FRMD3: variants seen among roughly 807,000 people sequenced by gnomAD.
FRMD3 encodes the protein FERM domain containing 3.
FRMD3 carries 33 observed loss-of-function variants against 70.2 expected under a neutral mutation model. The ratio of observed to expected loss-of-function variants is 0.47; its 90% CI spans 0.36 to 0.63. The LOEUF is 0.63. FRMD3 is among the 20% of genes least tolerant of loss of function. The pLI is 0.00. For missense variants in FRMD3, 632 were observed against 711.4 expected (o/e 0.89, Z 1.27); for synonymous variants, 279 against 255.9 (o/e 1.09, Z -0.86).
intron 13 of FRMD3, among the ~76,000 whole-genome samples, chr9:83,284,009 T>C (rs1330283759): frequency 2.6e-5 from 4 of 151,396 alleles, no homozygotes; most frequent in African/African-American, 9.7e-5. Flanking sequence ...AGGGAAGAAA[T>C]TGCTAATGCA....
At chr9:83,531,927 G>C (rs1829799210) in intron 1 of FRMD3, among the ~76,000 whole-genome samples, 1 of 152,112 alleles carries the variant, frequency 6.6e-6, no homozygotes, top group African/African-American at 2.4e-5. Context: ...ACTGGCTTAA[G>C]GTCTTGCACC....
chr9:83,511,985 T>C (rs1829348930), intron 1 of FRMD3, among the ~76,000 whole-genome samples: 1 of 152,162 alleles, frequency 6.6e-6, no homozygotes. Flanking sequence ...ATGTTAAACT[T>C]CAAGATCTTG....
chr9:83,443,003 A>G (rs1827348347), intron 1 of FRMD3, among the ~76,000 whole-genome samples: 1 of 152,250 alleles, frequency 6.6e-6, no homozygotes. Context: ...ACATAAAAAT[A>G]CATATGGCCT....
At chr9:83,255,456 C>A (rs1832660025) in intron 13 of FRMD3, among the ~76,000 whole-genome samples, 1 of 151,856 alleles carries the variant, frequency 6.6e-6, no homozygotes, top group East Asian at 1.9e-4. Flanking sequence ...AAGCATTCCC[C>A]CTGAAAACCA....
chr9:83,499,370 G>T (rs1012548675), intron 1 of FRMD3, among the ~76,000 whole-genome samples: 1 of 152,082 alleles, frequency 6.6e-6, no homozygotes, highest in Non-Finnish European at 1.5e-5. Flanking sequence ...GCTGATGAGG[G>T]GGCCTCATCA....
Position 83,310,450 on chromosome 9 carries a change from C to A in FRMD3, c.837+35G>T, listed in dbSNP as rs781690712. On this transcript the variant is annotated intron_variant, in intron 9 of 13. Coordinates refer to ENST00000304195, the MANE Select transcript of FRMD3 (RefSeq NM_174938.6). ...CTCCTGAATCTCTCTCATGCACACACAATAACAGGCAGTTAAAAAAAAGCA... is the reference window on the plus strand; with the variant it reads ...CTCCTGAATCTCTCTCATGCACACAAAATAACAGGCAGTTAAAAAAAAGCA... 16 of 1,537,978 alleles carry A rather than the reference C, an allele frequency of 1.0e-5. No individual in the cohort carries two copies. The South Asian group carries it at 1.5e-4, about 14-fold the overall frequency.
chr9:83,533,733 C>G (rs1034103960), intron 1 of FRMD3, among the ~76,000 whole-genome samples: 2 of 152,168 alleles, frequency 1.3e-5, no homozygotes, highest in African/African-American at 4.8e-5. Context: ...TGTTCCTACT[C>G]TTGTGAATTT....
At chr9:83,323,793 A>G (rs147238970) in intron 6 of FRMD3, among the ~76,000 whole-genome samples, 1,619 of 152,360 alleles carry the variant, frequency 0.011, 26 homozygotes, top group African/African-American at 0.036. Flanking sequence ...GCTTTCAAAA[A>G]TGAGCAAAGC....
chr9:83,513,555 A>G (rs1452811227), intron 1 of FRMD3, among the ~76,000 whole-genome samples: 1 of 152,248 alleles, frequency 6.6e-6, no homozygotes, highest in East Asian at 1.9e-4. Context: ...CTTTTGCTTA[A>G]TCATTATATG....
At chr9:83,441,378 C>T (rs908788733) in intron 1 of FRMD3, among the ~76,000 whole-genome samples, 29 of 152,164 alleles carry the variant, frequency 1.9e-4, no homozygotes, top group African/African-American at 6.8e-4. Flanking sequence ...GATCCTGACA[C>T]ATTAGTTATT....
intron 10 of FRMD3, among the ~76,000 whole-genome samples, chr9:83,306,448 T>A (rs1367177439): frequency 6.6e-6 from 1 of 152,174 alleles, no homozygotes; most frequent in Non-Finnish European, 1.5e-5. Flanking sequence ...TTGTAGCCAC[T>A]CATGTCCCAC....
chr9:83,463,030 G>C (rs1014983387), intron 1 of FRMD3, among the ~76,000 whole-genome samples: 1 of 152,124 alleles, frequency 6.6e-6, no homozygotes, highest in African/African-American at 2.4e-5. Flanking sequence ...CCCTAATCTT[G>C]CTAGATTGCA....
intron 13 of FRMD3, among the ~76,000 whole-genome samples, chr9:83,276,837 G>A (rs564017259): frequency 4.6e-5 from 7 of 152,162 alleles, no homozygotes; most frequent in South Asian, 2.1e-4. Context: ...AGCCTCCCGA[G>A]TAGCTGGGAT....
At chr9:83,477,167 T>C (rs1343051821) in intron 1 of FRMD3, among the ~76,000 whole-genome samples, 1 of 152,182 alleles carries the variant, frequency 6.6e-6, no homozygotes, top group Non-Finnish European at 1.5e-5. Flanking sequence ...ACCTACTACA[T>C]TACAACCCAT....
chr9:83,339,073 G>A (rs1823671663), intron 5 of FRMD3, among the ~76,000 whole-genome samples: 2 of 152,202 alleles, frequency 1.3e-5, no homozygotes, highest in African/African-American at 4.8e-5. Flanking sequence ...AGTGGTTGGT[G>A]AGGGAGGGCA....
At chr9:83,485,835 C>G (rs1315674233) in intron 1 of FRMD3, among the ~76,000 whole-genome samples, 1 of 152,108 alleles carries the variant, frequency 6.6e-6, no homozygotes, top group African/African-American at 2.4e-5. Context: ...GATTGCTTAT[C>G]TGTAAAAATT....
chr9:83,565,575 A>G, the FRMD3 span, among the ~76,000 whole-genome samples: 1 of 152,196 alleles, frequency 6.6e-6, no homozygotes, highest in Non-Finnish European at 1.5e-5. Context: ...CCTGAGACAC[A>G]TTTACACCTG....
intron 13 of FRMD3, among the ~76,000 whole-genome samples, chr9:83,283,390 G>A (rs1216376777): frequency 2.0e-5 from 3 of 151,988 alleles, no homozygotes; most frequent in Non-Finnish European, 4.4e-5. Flanking sequence ...AATTAGCCAG[G>A]CGTGGTGGCG....
At chr9:83,391,070 TGC>T (rs1825653318) in intron 1 of FRMD3, among the ~76,000 whole-genome samples, 1 of 152,134 alleles carries the variant, frequency 6.6e-6, no homozygotes, top group African/African-American at 2.4e-5. Context: ...AAGCCTGGGA[TGC>T]GCTGCACTGA....
Sources: gnomAD v4.1 joint callset for allele counts (sites outside exome capture counted in the v4.1 genomes callset) on GRCh38, gnomAD v4.1.1 for gene constraint, MANE v1.5 for transcripts, NCBI Gene and HGNC (gene_info 2026-07-23, HGNC 2026-07-21) for gene names.